Variants in VEZT observed in about 807,000 individuals in gnomAD.
VEZT encodes the protein vezatin.
A neutral mutation model predicts 79.9 loss-of-function variants in VEZT; 39 were observed. The observed-to-expected ratio is 0.49, with a 90% CI of 0.38 to 0.64. The LOEUF is 0.64. Among genes scored for constraint, VEZT ranks in the 30% least tolerant of loss-of-function variants. The probability of loss-of-function intolerance (pLI) is 0.00; values close to 1 mark genes in which losing one functional copy is unlikely to be tolerated. For synonymous variants in VEZT, 325 were observed against 327.6 expected, an observed-to-expected ratio of 0.99 and a Z score of 0.09; for missense variants, 837 against 893.1, an observed-to-expected ratio of 0.94 and a Z score of 0.80.
chr12:95,249,840 A>G (rs1023820076), intron 1 of VEZT, among the ~76,000 whole-genome samples: 11 of 152,158 alleles, frequency 7.2e-5, no homozygotes, highest in African/African-American at 2.4e-4. Context: ...TAGGTAATAG[A>G]GTATAATCCT....
chr12:95,243,037 T>C (rs1247008101), intron 1 of VEZT, among the ~76,000 whole-genome samples: 1 of 152,118 alleles, frequency 6.6e-6, no homozygotes, highest in African/African-American at 2.4e-5. Flanking sequence ...AGACTTTTAT[T>C]ATAGACCTTA....
intron 10 of VEZT, among the ~76,000 whole-genome samples, chr12:95,295,178 T>C (rs2139822593): frequency 6.6e-6 from 1 of 152,296 alleles, no homozygotes; most frequent in Non-Finnish European, 1.5e-5. Context: ...CTTTTTTATA[T>C]GAGACCGAGT....
At chr12:95,250,902 G>A (rs1335215695) in intron 1 of VEZT, among the ~76,000 whole-genome samples, 1 of 152,136 alleles carries the variant, frequency 6.6e-6, no homozygotes, top group Non-Finnish European at 1.5e-5. Context: ...TGAACTAAGT[G>A]CTATTACTGC....
chr12:95,262,089 A>C (rs538172363), intron 3 of VEZT, among the ~76,000 whole-genome samples: 1 of 152,284 alleles, frequency 6.6e-6, no homozygotes, highest in South Asian at 2.1e-4. Flanking sequence ...ATTTTTGTTC[A>C]TCCTTTAAAA....
At chr12:95,232,574 C>T (rs1242464122) in intron 1 of VEZT, among the ~76,000 whole-genome samples, 1 of 152,150 alleles carries the variant, frequency 6.6e-6, no homozygotes, top group African/African-American at 2.4e-5. Context: ...GTGCCTCATA[C>T]TCTCTTCTCT....
At chr12:95,272,734 A>G (rs1483341862) in intron 6 of VEZT, among the ~76,000 whole-genome samples, 1 of 152,236 alleles carries the variant, frequency 6.6e-6, no homozygotes, top group Non-Finnish European at 1.5e-5. Flanking sequence ...CACAGCAGCA[A>G]CTTTGAACAT....
At chr12:95,272,047 G>A (rs1051714037) in intron 6 of VEZT, among the ~76,000 whole-genome samples, 2 of 152,006 alleles carry the variant, frequency 1.3e-5, no homozygotes, top group Admixed American at 6.6e-5. Context: ...GCACACACCC[G>A]CAGTCCCAGC....
At chr12:95,286,595 T>C in intron 8 of VEZT, 1 of 458,180 alleles carries the variant, frequency 2.2e-6, no homozygotes, top group Non-Finnish European at 4.3e-6. Context: ...ATCTTTTTCT[T>C]CACCAGCTTT....
At chr12:95,232,358 C>CT (rs1382907505) in intron 1 of VEZT, among the ~76,000 whole-genome samples, 1 of 152,060 alleles carries the variant, frequency 6.6e-6, no homozygotes, top group Non-Finnish European at 1.5e-5. Context: ...GTAGAGAACA[C>CT]TTTTTTTCCA....
chr12:95,268,590 G>A (rs1025298624), intron 5 of VEZT, among the ~76,000 whole-genome samples: 3 of 152,184 alleles, frequency 2.0e-5, no homozygotes, highest in South Asian at 2.1e-4. Flanking sequence ...GGTTAGGCGT[G>A]TATAGAGGAT....
At chr12:95,227,816 G>A (rs1329467569) in intron 1 of VEZT, among the ~76,000 whole-genome samples, 1 of 152,144 alleles carries the variant, frequency 6.6e-6, no homozygotes, top group Non-Finnish European at 1.5e-5. Flanking sequence ...ATTCCTAGAG[G>A]GAAGAGTGCC....
intron 1 of VEZT, among the ~76,000 whole-genome samples, chr12:95,229,978 G>T (rs2059011392): frequency 6.6e-6 from 1 of 151,998 alleles, no homozygotes; most frequent in South Asian, 2.1e-4. Flanking sequence ...TACAGCTGGT[G>T]CCTGTAATCC....
At chr12:95,228,862 G>C (rs983637439) in intron 1 of VEZT, among the ~76,000 whole-genome samples, 2 of 152,112 alleles carry the variant, frequency 1.3e-5, no homozygotes, top group Admixed American at 6.5e-5. Flanking sequence ...AAATTGGCCA[G>C]TGTGGTGGCA....
chr12:95,253,428 C>T (rs1264874188), intron 2 of VEZT, among the ~76,000 whole-genome samples: 2 of 152,178 alleles, frequency 1.3e-5, no homozygotes, highest in East Asian at 3.9e-4. Context: ...TTAGAGCTCA[C>T]ATGGATCAGA....
intron 7 of VEZT, among the ~76,000 whole-genome samples, chr12:95,281,350 T>C (rs1432148361): frequency 6.6e-6 from 1 of 152,166 alleles, no homozygotes; most frequent in Non-Finnish European, 1.5e-5. Context: ...TGGTGGTACA[T>C]GCCTGTGTTT....
intron 9 of VEZT, among the ~76,000 whole-genome samples, chr12:95,292,357 GTTTT>G (rs767891626): frequency 3.0e-4 from 45 of 151,670 alleles, no homozygotes; most frequent in Non-Finnish European, 4.6e-4. Flanking sequence ...GATTTATTTG[GTTTT>G]TTTTCTTTTC....
Position 95,239,948 on chromosome 12 carries a change from AAGAGAGAGAG to A in VEZT, c.37-11967_37-11958del, listed in dbSNP as rs140000740. ...GCCTGAGCAACAGAGGGAGACTCGA[AAGAGAGAGAG>A]AGAGAGAGAGAGAGAGAGAGAGAGG... On this transcript the variant is annotated intron_variant, in intron 1 of 11. Coordinates refer to ENST00000436874, the MANE Select transcript of VEZT (RefSeq NM_017599.4). Among the ~76,000 whole-genome samples the A allele has an allele frequency of 4.5e-3, 545 of 119,942 alleles. 6 individuals carry two copies. The highest frequency in any genetic ancestry group is 0.038 in the South Asian group (125 of 3,288). 78.7% of individuals were successfully genotyped at this position (119,942 alleles called of 152,430 possible). A position where few individuals can be genotyped will look rare whatever the true frequency, so the allele number is the denominator to read the frequency against.
intron 9 of VEZT, among the ~76,000 whole-genome samples, chr12:95,291,933 G>C (rs2072944420): frequency 6.6e-6 from 1 of 152,084 alleles, no homozygotes; most frequent in African/African-American, 2.4e-5. Flanking sequence ...CGAATAGCTG[G>C]AACTACAGCC....
At chr12:95,275,018 C>T (rs1039381818) in intron 7 of VEZT, 129 bp downstream of exon 7, 27 of 1,097,768 alleles carry the variant, frequency 2.5e-5, no homozygotes, top group East Asian at 5.3e-5. Context: ...CATAAATGCA[C>T]GGGTGATGTT....
Sources: allele counts gnomAD v4.1 joint callset (sites outside exome capture counted in the v4.1 genomes callset), GRCh38; gene constraint gnomAD v4.1.1; transcripts MANE v1.5; gene names NCBI Gene and HGNC (gene_info 2026-07-23, HGNC 2026-07-21).